The following ZNF385D variants were observed in gnomAD, a reference collection of about 807,000 sequenced individuals.
The protein encoded by ZNF385D is zinc finger protein 385D, also known as zinc finger protein 659.
ZNF385D carries 15 observed loss-of-function variants against 35.8 expected under a neutral mutation model. The ratio of observed to expected loss-of-function variants is 0.42; its 90% CI spans 0.28 to 0.64. The LOEUF (loss-of-function observed/expected upper bound fraction) is 0.64. Ranked by LOEUF, ZNF385D falls within the 30% of genes least tolerant of loss-of-function variation. ZNF385D has a pLI of 0.23. For missense variants in ZNF385D, 474 were observed against 494.6 expected (o/e 0.96, Z 0.39); for synonymous variants, 212 against 186.8 (o/e 1.13, Z -1.10).
chr3:22,324,435 A>G (rs1694582884), intron 2 of ZNF385D, among the ~76,000 whole-genome samples: 2 of 152,172 alleles, frequency 1.3e-5, no homozygotes, highest in Admixed American at 1.3e-4. Context: ...ATATACATAA[A>G]TAGTATTTAG....
At chr3:22,339,537 C>G (rs989855974) in intron 2 of ZNF385D, among the ~76,000 whole-genome samples, 1 of 152,178 alleles carries the variant, frequency 6.6e-6, no homozygotes, top group African/African-American at 2.4e-5. Flanking sequence ...AAACCCTCAA[C>G]AGCTCCAATA....
intron 2 of ZNF385D, among the ~76,000 whole-genome samples, chr3:22,195,173 T>C (rs995875939): frequency 2.0e-5 from 3 of 151,894 alleles, no homozygotes; most frequent in African/African-American, 4.8e-5. Flanking sequence ...TAACTAATGG[T>C]TTCTAGTGGA....
chr3:21,804,658 T>A (rs902989578), intron 3 of ZNF385D, among the ~76,000 whole-genome samples: 5 of 152,194 alleles, frequency 3.3e-5, no homozygotes, highest in Non-Finnish European at 7.3e-5. Context: ...GGCAATTCAT[T>A]TTAGTCTCTC....
chr3:22,371,414 G>C (rs900616630), intron 2 of ZNF385D, among the ~76,000 whole-genome samples: 2 of 72,694 alleles, frequency 2.8e-5, no homozygotes, highest in South Asian at 1.1e-3. Flanking sequence ...CAGAATGTCA[G>C]ATGTTCTCAG....
intron 3 of ZNF385D, among the ~76,000 whole-genome samples, chr3:22,118,839 C>T (rs957288456): frequency 1.3e-5 from 2 of 152,082 alleles, no homozygotes; most frequent in African/African-American, 4.8e-5. Context: ...TCATTTCATA[C>T]ATACAAATTT....
rs979849865 is a variant in ZNF385D at position 22,298,431 on chromosome 3, TATAA to T, written c.106+74015_106+74018del. On this transcript the variant is annotated intron_variant, in intron 2 of 5. Transcript: ENST00000494108. Reference sequence around the variant, plus strand: ...AAAATAAAAACATTTATATATAATATATAAATATACATAAAATATTTATATATAA... The same window carrying T: ...AAAATAAAAACATTTATATATAATATATATACATAAAATATTTATATATAA... Among the ~76,000 whole-genome samples the T allele has an allele frequency of 1.4e-3, 199 of 143,954 alleles. 1 individual carries two copies. Among genetic ancestry groups the T allele is most frequent in the Non-Finnish European group, 2.2e-3 (147 of 66,140 alleles). The allele number at this position is 143,954 out of a possible 152,430, so 94.4% of individuals were successfully genotyped here. A position where few individuals can be genotyped will look rare whatever the true frequency, so the allele number is the denominator to read the frequency against.
chr3:21,952,930 T>C (rs1702128887), intron 3 of ZNF385D, among the ~76,000 whole-genome samples: 1 of 152,040 alleles, frequency 6.6e-6, no homozygotes, highest in Non-Finnish European at 1.5e-5. Flanking sequence ...AACTCATTTC[T>C]CAGACTTTCA....
At chr3:22,298,560 T>TACAC (rs758306222) in intron 2 of ZNF385D, among the ~76,000 whole-genome samples, 4 of 142,844 alleles carry the variant, frequency 2.8e-5, no homozygotes, top group South Asian at 2.2e-4. Flanking sequence ...TATACACACA[T>TACAC]ACACACACAC....
chr3:22,199,038 T>C (rs931371046), intron 2 of ZNF385D, among the ~76,000 whole-genome samples: 4 of 152,138 alleles, frequency 2.6e-5, no homozygotes, highest in Non-Finnish European at 5.9e-5. Flanking sequence ...CAAGTATCTA[T>C]GCTTATTGAT....
intron 3 of ZNF385D, among the ~76,000 whole-genome samples, chr3:22,061,723 T>C (rs1015976868): frequency 1.3e-5 from 2 of 152,204 alleles, no homozygotes; most frequent in South Asian, 2.1e-4. Context: ...ATCAAAAATA[T>C]GTCTTTCCTT....
intron 6 of ZNF385D, among the ~76,000 whole-genome samples, chr3:21,424,494 T>C (rs541426786): frequency 6.7e-6 from 1 of 149,326 alleles, no homozygotes; most frequent in East Asian, 2.0e-4. Flanking sequence ...TTTGTATTTT[T>C]AGTAGAGATG....
In ZNF385D at chr3:21,667,522, C is replaced by T. The variant is rs1471744454; in HGVS notation, c.23-2494G>A. 7.9e-5 allele frequency among the ~76,000 whole-genome samples: 12 copies of T among 152,266 alleles called. No individual in the cohort carries two copies. In the East Asian group the frequency reaches 2.3e-3, roughly 29 times the overall value. On this transcript the variant is annotated intron_variant, in intron 1 of 7. Transcript: ENST00000281523. ...TGCAAATGATATTCATATACATTCA[C>T]CTGGTTTGATTCTAAGATTTCAGAA...
intron 3 of ZNF385D, among the ~76,000 whole-genome samples, chr3:22,015,590 G>A (rs1696836018): frequency 6.6e-6 from 1 of 151,940 alleles, no homozygotes; most frequent in African/African-American, 2.4e-5. Context: ...CTCTCAGTTT[G>A]GAAATTTCAG....
chr3:21,951,156 T>C (rs1702047650), intron 3 of ZNF385D, among the ~76,000 whole-genome samples: 2 of 151,850 alleles, frequency 1.3e-5, no homozygotes, highest in South Asian at 4.1e-4. Flanking sequence ...ATTTTCATGA[T>C]ACTGATTCTT....
intron 2 of ZNF385D, among the ~76,000 whole-genome samples, chr3:22,179,794 G>C (rs1275266634): frequency 6.6e-6 from 1 of 152,180 alleles, no homozygotes. Flanking sequence ...GCAGTGTGTA[G>C]AGGGAAATTT....
chr3:22,220,447 T>A (rs1421470056), intron 2 of ZNF385D, among the ~76,000 whole-genome samples: 1 of 152,092 alleles, frequency 6.6e-6, no homozygotes, highest in Admixed American at 6.6e-5. Flanking sequence ...ACCATCCAAA[T>A]CTCAACTGGC....
At chr3:21,766,409 C>A (rs1057037524) in intron 3 of ZNF385D, among the ~76,000 whole-genome samples, 1 of 152,060 alleles carries the variant, frequency 6.6e-6, no homozygotes, top group Non-Finnish European at 1.5e-5. Flanking sequence ...TGTGATAGAA[C>A]CTGAAATGAT....
intron 3 of ZNF385D, among the ~76,000 whole-genome samples, chr3:21,852,744 C>T (rs1386613067): frequency 6.6e-6 from 1 of 151,612 alleles, no homozygotes; most frequent in Non-Finnish European, 1.5e-5. Flanking sequence ...TGATGAGTTA[C>T]CTCAAGGGAT....
chr3:21,733,157 A>T (rs1183736809), intron 1 of ZNF385D, among the ~76,000 whole-genome samples: 1 of 151,758 alleles, frequency 6.6e-6, no homozygotes, highest in Admixed American at 6.6e-5. Context: ...TTTTTCCATT[A>T]TATTTTCTTT....
Sources: gnomAD v4.1 joint callset for allele counts (sites outside exome capture counted in the v4.1 genomes callset) on GRCh38, gnomAD v4.1.1 for gene constraint, MANE v1.5 for transcripts, NCBI Gene and HGNC (gene_info 2026-07-23, HGNC 2026-07-21) for gene names.